Variants in STEAP2 observed in about 807,000 individuals in gnomAD.
The protein encoded by STEAP2 is metalloreductase STEAP2.
In STEAP2, 30 loss-of-function variants were observed where a neutral mutation model predicts 46.4. The observed-to-expected ratio is 0.65, with a 90% CI of 0.48 to 0.88. The LOEUF is 0.88. Among genes scored for constraint, STEAP2 ranks in the 40% least tolerant of loss-of-function variants. STEAP2 has a pLI of 0.00. For missense variants in STEAP2, 513 were observed against 579.3 expected (o/e 0.89, Z 1.18); for synonymous variants, 180 against 200.5 (o/e 0.90, Z 0.86).
rs201664662 is a variant in STEAP2, at chr7:90,227,025, C to T, written c.547C>T (p.Arg183Cys). The part of the protein sequence containing the change: ...QARQQVIELA[R>C]QLNFIPIDLG... ...GCGACAACAGGTTATTGAACTTGCC[C>T]GCCAGTTGAATTTCATTCCCATTGA... Residue 183 changes from arginine (R) to cysteine (C), a missense_variant, in exon 4 of 6, where the codon CGC becomes TGC. Coordinates refer to ENST00000394621, the MANE Select transcript of STEAP2 (RefSeq NM_001244944.2). The T allele has an allele frequency of 3.3e-5, 53 of 1,611,484 alleles. No homozygotes were observed. The highest frequency in any genetic ancestry group is 4.2e-5 in the Non-Finnish European group (49 of 1,179,162).
rs547678524 is a variant in STEAP2, at chr7:90,233,275, T to C, written c.*651T>C. The C allele has an allele frequency of 2.1e-6, 2 of 943,828 alleles. No homozygotes were observed. The highest frequency in any genetic ancestry group is 2.3e-4 in the East Asian group (2 of 8,580). 58.5% of individuals were successfully genotyped at this position (943,828 alleles called of 1,614,324 possible). On this transcript the variant is annotated 3_prime_UTR_variant, in exon 6 of 6. Coordinates refer to ENST00000394621, the MANE Select transcript of STEAP2 (RefSeq NM_001244944.2). ...ACATGAAATACATACTGATAATACA[T>C]ACCTCATGAAAGATTTTATTCTTTA...
Position 90,234,444 on chromosome 7 carries a change from C to A in STEAP2, c.*1820C>A. On this transcript the variant is annotated 3_prime_UTR_variant, in exon 6 of 6. Coordinates refer to ENST00000394621, the MANE Select transcript of STEAP2 (RefSeq NM_001244944.2). Reference sequence around the variant, plus strand: ...AAGACTTTTATTTAGTAGAGGCTACCTTTCCCACCAGTGACTCTTTTTCTA... The same window carrying A: ...AAGACTTTTATTTAGTAGAGGCTACATTTCCCACCAGTGACTCTTTTTCTA... 1.0e-6 allele frequency: 1 copy of A among 985,060 alleles called. No individual in the cohort carries two copies. Among genetic ancestry groups the A allele is most frequent in the Non-Finnish European group, 1.2e-6 (1 of 829,774 alleles). The allele number at this position is 985,060 out of a possible 1,614,324, so 61.0% of individuals were successfully genotyped here. A position where few individuals can be genotyped will look rare whatever the true frequency, so the allele number is the denominator to read the frequency against.
chr7:90,234,802 C>G lies in STEAP2; in HGVS notation c.*2178C>G. The G allele has an allele frequency of 1.1e-6, 1 of 873,490 alleles. No homozygotes were observed. The highest frequency in any genetic ancestry group is 1.4e-6 in the Non-Finnish European group (1 of 728,302). 54.1% of individuals were successfully genotyped at this position (873,490 alleles called of 1,614,324 possible). A position where few individuals can be genotyped will look rare whatever the true frequency, so the allele number is the denominator to read the frequency against. On this transcript the variant is annotated 3_prime_UTR_variant, in exon 6 of 6. Coordinates refer to ENST00000394621, the MANE Select transcript of STEAP2 (RefSeq NM_001244944.2). ...TCTCCTGACCTCGTGATCCGCCCGC[C>G]TTGGCCTCCAAAGTGCTGGGATTAC...
intron 2 of STEAP2, among the ~76,000 whole-genome samples, chr7:90,222,569 A>G (rs2116242018): frequency 6.6e-6 from 1 of 152,252 alleles, no homozygotes. Flanking sequence ...TATCTTCTGC[A>G]GGTCTCAGTT....
In STEAP2 at chr7:90,234,227, G is replaced by C; in HGVS notation, c.*1603G>C. 8 of 985,344 alleles carry C rather than the reference G, an allele frequency of 8.1e-6. No homozygotes were observed. Among genetic ancestry groups the C allele is most frequent in the Non-Finnish European group, 8.4e-6 (7 of 829,908 alleles). The allele number at this position is 985,344 out of a possible 1,614,324, so 61.0% of individuals were successfully genotyped here. On this transcript the variant is annotated 3_prime_UTR_variant, in exon 6 of 6. Transcript: ENST00000394621. ...ATTATTCATAAAATTTTTCAGTGCTGTCCTTCCACATTTAATTGCATTTTG... is the reference window on the plus strand; with the variant it reads ...ATTATTCATAAAATTTTTCAGTGCTCTCCTTCCACATTTAATTGCATTTTG...
At chr7:90,230,473 G>A (rs1443280259) in intron 5 of STEAP2, among the ~76,000 whole-genome samples, 1 of 151,834 alleles carries the variant, frequency 6.6e-6, no homozygotes, top group Admixed American at 6.6e-5. Flanking sequence ...ATATTTTAAA[G>A]AAATGTGTGT....
At chr7:90,238,033 A>C (rs1796011269), downstream of STEAP2, 1 of 715,362 alleles carries the variant, frequency 1.4e-6, no homozygotes, top group South Asian at 1.5e-5. Flanking sequence ...GTTTTTTATC[A>C]TCCCGCATCC....
At chr7:90,217,742 A>G (rs139195548) in intron 2 of STEAP2, among the ~76,000 whole-genome samples, 90 of 146,940 alleles carry the variant, frequency 6.1e-4, no homozygotes, top group Non-Finnish European at 1.1e-3. Context: ...GAGGACGGGT[A>G]TCTCTTTGAT....
chr7:90,238,119 G>T (rs1796013356), downstream of STEAP2: 4 of 713,438 alleles, frequency 5.6e-6, no homozygotes, highest in Non-Finnish European at 7.8e-6. Context: ...CTACCCTGTT[G>T]TCCTAAAGAG....
At chr7:90,230,617 G>A (rs917107045) in intron 5 of STEAP2, among the ~76,000 whole-genome samples, 2 of 151,830 alleles carry the variant, frequency 1.3e-5, no homozygotes, top group African/African-American at 4.8e-5. Context: ...GTCTGTAAAG[G>A]GATTTCAAAC....
chr7:90,237,060 G>T lies in STEAP2; in HGVS notation c.*4436G>T, dbSNP rs887057652. On this transcript the variant is annotated 3_prime_UTR_variant, in exon 6 of 6. Transcript: ENST00000394621. Reference sequence around the variant, plus strand: ...TGAGATGAAGTCTCCTCAAAGGAAGGCAGCATGTGTCCTTTTTCATCCCTT... The same window carrying T: ...TGAGATGAAGTCTCCTCAAAGGAAGTCAGCATGTGTCCTTTTTCATCCCTT... 100 of 1,161,308 alleles carry T rather than the reference G, an allele frequency of 8.6e-5. No homozygotes were observed. The highest frequency in any genetic ancestry group is 1.2e-4 in the Non-Finnish European group (95 of 804,550). 71.9% of individuals were successfully genotyped at this position (1,161,308 alleles called of 1,614,324 possible).
chr7:90,232,206 G>A, intron 5 of STEAP2, 131 bp from the exon 6 acceptor site: 1 of 1,154,818 alleles, frequency 8.7e-7, no homozygotes, highest in Non-Finnish European at 1.1e-6. Context: ...GAGGACAAAG[G>A]TTAACTTGAT....
At chr7:90,241,458 C>A (rs753033710), downstream of STEAP2, among the ~76,000 whole-genome samples, 12 of 152,088 alleles carry the variant, frequency 7.9e-5, no homozygotes, top group Non-Finnish European at 1.6e-4. Flanking sequence ...ATTTATAATC[C>A]TTGAAATCTT....
In STEAP2 at chr7:90,227,338, AG is replaced by A. The variant is rs1795541766; in HGVS notation, c.861del (p.Lys287AsnfsTer22). ...AAAYQLYYGT[K>X]YRRFPPWLET... ...GCTTATCAACTTTATTACGGCACCA[AG>A]TATAGGAGATTTCCACCTTGGTTGG... On this transcript the variant is annotated frameshift_variant, in exon 4 of 6. Coordinates refer to ENST00000394621, the MANE Select transcript of STEAP2 (RefSeq NM_001244944.2). LOFTEE classifies it high-confidence loss of function. 1 of 1,613,758 alleles carries A rather than the reference AG, an allele frequency of 6.2e-7. No individual in the cohort carries two copies.
chr7:90,240,347 C>T (rs1476912068), downstream of STEAP2, among the ~76,000 whole-genome samples: 1 of 151,886 alleles, frequency 6.6e-6, no homozygotes, highest in Non-Finnish European at 1.5e-5. This position sits in a 1 kb window ranked among gnomAD's most constrained non-coding sequence, Gnocchi z 4.1. Context: ...ACAGAATTTC[C>T]CTAAAGCTAA....
In STEAP2 at chr7:90,233,236, A is replaced by T; in HGVS notation, c.*612A>T. The T allele has an allele frequency of 1.1e-6, 1 of 940,004 alleles. No individual in the cohort carries two copies. Among genetic ancestry groups the T allele is most frequent in the Non-Finnish European group, 1.3e-6 (1 of 788,720 alleles). 58.2% of individuals were successfully genotyped at this position (940,004 alleles called of 1,614,324 possible). A position where few individuals can be genotyped will look rare whatever the true frequency, so the allele number is the denominator to read the frequency against. ...ACAAATTAAACCTGAAATTATATTT[A>T]AAATATATTTGAGACATGAAATACA... On this transcript the variant is annotated 3_prime_UTR_variant, in exon 6 of 6. Coordinates refer to ENST00000394621, the MANE Select transcript of STEAP2 (RefSeq NM_001244944.2).
rs749998325 is a variant in STEAP2 at position 90,232,602 on chromosome 7, C to A, written c.1451C>A (p.Pro484Gln). The A allele has an allele frequency of 3.1e-6, 5 of 1,611,678 alleles. No individual in the cohort carries two copies. The highest frequency in any genetic ancestry group is 1.3e-5 in the African/African-American group (1 of 74,926). Residue 484 changes from proline to glutamine, a missense_variant, in exon 6 of 6, where the codon CCG becomes CAG. Transcript: ENST00000394621. ...GMGGTIPHVSPERVTVM is the reference protein window; with the variant it reads ...GMGGTIPHVSQERVTVM ...GGAGGAACAATTCCTCATGTCTCCC[C>A]GGAGAGGGTCACAGTAATGTGATGA... is the stretch of plus-strand genomic sequence containing the variant.
rs191158099 is a variant in STEAP2 at position 90,235,094 on chromosome 7, T to G, written c.*2470T>G. The G allele has an allele frequency of 2.1e-6, 2 of 947,920 alleles. No homozygotes were observed. The highest frequency in any genetic ancestry group is 6.2e-5 in the Admixed American group (1 of 16,228). 58.7% of individuals were successfully genotyped at this position (947,920 alleles called of 1,614,324 possible). ...ACCACTTAATGTGATGAAATATTCC[T>G]AAAAGTTAAATGACTATTAAAGCAT... On this transcript the variant is annotated 3_prime_UTR_variant, in exon 6 of 6. Coordinates refer to ENST00000394621, the MANE Select transcript of STEAP2 (RefSeq NM_001244944.2).
In STEAP2 at chr7:90,237,197, C is replaced by A; in HGVS notation, c.*4573C>A. The A allele has an allele frequency of 2.4e-6, 1 of 424,012 alleles. No individual in the cohort carries two copies. The highest frequency in any genetic ancestry group is 3.7e-5 in the East Asian group (1 of 26,776). The allele number at this position is 424,012 out of a possible 1,614,324, so 26.3% of individuals were successfully genotyped here. Reference sequence around the variant, plus strand: ...TTAGAGACCAGAAAGACCTTGACTACTTCCCTACTTCCACTGCTTTTTCCT... The same window carrying A: ...TTAGAGACCAGAAAGACCTTGACTAATTCCCTACTTCCACTGCTTTTTCCT... On this transcript the variant is annotated 3_prime_UTR_variant, in exon 6 of 6. Transcript: ENST00000394621.
Sources: gnomAD v4.1 joint callset for allele counts (sites outside exome capture counted in the v4.1 genomes callset) on GRCh38, gnomAD v4.1.1 for gene constraint, Gnocchi (gnomAD v3.1) non-coding constraint, MANE v1.5 for transcripts, NCBI Gene and HGNC (gene_info 2026-07-23, HGNC 2026-07-21) for gene names.